Variants in SWT1 observed in about 807,000 individuals in gnomAD.
SWT1 encodes SWT1 RNA endoribonuclease homolog.
A neutral mutation model predicts 107.3 loss-of-function variants in SWT1; 33 were observed. The ratio of observed to expected loss-of-function variants is 0.31; its 90% CI spans 0.23 to 0.41. SWT1 has a LOEUF of 0.41. SWT1 is among the 10% of genes least tolerant of loss of function. SWT1 has a pLI of 1.00. For synonymous variants in SWT1, 345 were observed against 348.3 expected (o/e 0.99, Z 0.11); for missense variants, 898 against 1,028.9 (o/e 0.87, Z 1.74).
chr1:185,283,721 T>C (rs1664783600), intron 18 of SWT1, among the ~76,000 whole-genome samples: 2 of 152,238 alleles, frequency 1.3e-5, no homozygotes, highest in Non-Finnish European at 1.5e-5. Context: ...CCATCTCCGA[T>C]GTATACATGT....
At chr1:185,287,005 T>C (rs895841719) in intron 18 of SWT1, among the ~76,000 whole-genome samples, 4 of 152,208 alleles carry the variant, frequency 2.6e-5, no homozygotes, top group Non-Finnish European at 4.4e-5. Flanking sequence ...TTGTATTTCA[T>C]TTTTCTTTTA....
chr1:185,161,707 G>GA (rs959570412), intron 2 of SWT1, among the ~76,000 whole-genome samples: 2 of 151,944 alleles, frequency 1.3e-5, no homozygotes, highest in African/African-American at 4.8e-5. Flanking sequence ...TCTCAAAAAA[G>GA]AAAAAAAGAA....
At chr1:185,239,154 A>G (rs1276129808) in intron 16 of SWT1, among the ~76,000 whole-genome samples, 1 of 152,100 alleles carries the variant, frequency 6.6e-6, no homozygotes, top group Non-Finnish European at 1.5e-5. Context: ...TTGATAGACT[A>G]ACAGCTTTGG....
At chr1:185,233,893 G>A (rs1228786897) in intron 16 of SWT1, among the ~76,000 whole-genome samples, 6 of 151,966 alleles carry the variant, frequency 3.9e-5, no homozygotes, top group Non-Finnish European at 8.8e-5. Flanking sequence ...ACAGGCACCC[G>A]CCACCATGCC....
In SWT1 at chr1:185,174,414, C is replaced by T. The variant is rs770896298; in HGVS notation, c.267C>T (p.Ile89=). The T allele has an allele frequency of 2.1e-5, 33 of 1,584,084 alleles. No individual in the cohort carries two copies. The highest frequency in any genetic ancestry group is 1.7e-4 in the Middle Eastern group (1 of 5,904). The change falls in exon 5 of 19, where the codon ATC becomes ATT. Residue 89 remains isoleucine (I), a synonymous_variant. Transcript: ENST00000367500. ...ACACTCTCAGAAGGAGACCAAAAAT[C>T]GGTTCTTCATCCCAAAGACCTATTA... ...EIDTLRRRPK[I]GSSSQRPIKL...
At chr1:185,254,516 A>G (rs1241366151) in intron 16 of SWT1, among the ~76,000 whole-genome samples, 4 of 144,016 alleles carry the variant, frequency 2.8e-5, no homozygotes, top group Admixed American at 6.8e-5. Flanking sequence ...GGGAGAGTGT[A>G]TGTGTCGAGG....
At chr1:185,250,642 TATTTAATTTAA>T (rs961767620) in intron 16 of SWT1, among the ~76,000 whole-genome samples, 31 of 152,304 alleles carry the variant, frequency 2.0e-4, no homozygotes, top group African/African-American at 7.2e-4. Flanking sequence ...ACTCATAATT[TATTTAATTTAA>T]TTTTAATTTA....
chr1:185,283,633 C>T (rs530172427), intron 18 of SWT1, among the ~76,000 whole-genome samples: 4 of 152,100 alleles, frequency 2.6e-5, no homozygotes, highest in South Asian at 2.1e-4. Flanking sequence ...CTGTATGAGA[C>T]GGATACCAAA....
At chr1:185,161,810 A>G (rs1036187763) in intron 2 of SWT1, among the ~76,000 whole-genome samples, 5 of 152,204 alleles carry the variant, frequency 3.3e-5, no homozygotes, top group African/African-American at 1.2e-4. Context: ...CAAAAAAACC[A>G]TGTAATCAGT....
intron 5 of SWT1, among the ~76,000 whole-genome samples, 167 bp from the exon 6 acceptor site, chr1:185,180,224 A>G (rs1160904085): frequency 1.3e-5 from 2 of 152,124 alleles, no homozygotes; most frequent in Non-Finnish European, 2.9e-5. Flanking sequence ...GGGTAGTACT[A>G]CTGACATTCT....
At chr1:185,200,790 C>T (rs1657805289) in intron 10 of SWT1, among the ~76,000 whole-genome samples, 1 of 152,188 alleles carries the variant, frequency 6.6e-6, no homozygotes, top group African/African-American at 2.4e-5. Context: ...GCTGGGAGAT[C>T]CACTGCTCTC....
intron 18 of SWT1, among the ~76,000 whole-genome samples, chr1:185,288,089 CATTT>C (rs1315336744): frequency 6.6e-6 from 1 of 152,100 alleles, no homozygotes; most frequent in African/African-American, 2.4e-5. Flanking sequence ...TGTAAGAAAA[CATTT>C]ATATCTCTGC....
chr1:185,277,280 GT>G (rs995941515), intron 18 of SWT1, among the ~76,000 whole-genome samples: 12 of 150,978 alleles, frequency 7.9e-5, no homozygotes, highest in African/African-American at 2.2e-4. Flanking sequence ...TTATTTATTT[GT>G]TTTTTTTTAT....
chr1:185,256,520 T>C (rs1351203788), intron 16 of SWT1, among the ~76,000 whole-genome samples: 5 of 150,388 alleles, frequency 3.3e-5, no homozygotes, highest in African/African-American at 9.9e-5. Flanking sequence ...TCTCGCTTCA[T>C]TTCATTCATT....
At chr1:185,186,348 C>CT (rs1656463128) in intron 9 of SWT1, among the ~76,000 whole-genome samples, 1 of 152,040 alleles carries the variant, frequency 6.6e-6, no homozygotes, top group Non-Finnish European at 1.5e-5. Flanking sequence ...GAATTGGTAA[C>CT]TTTGTAGAAG....
chr1:185,219,448 T>G (rs1284471126), intron 14 of SWT1, among the ~76,000 whole-genome samples: 1 of 152,208 alleles, frequency 6.6e-6, no homozygotes, highest in Non-Finnish European at 1.5e-5. Context: ...CTGTTACTAC[T>G]GATAGTATTG....
chr1:185,289,678 TAAAA>T (rs202035890), intron 18 of SWT1, among the ~76,000 whole-genome samples: 2 of 152,014 alleles, frequency 1.3e-5, no homozygotes, highest in Non-Finnish European at 1.5e-5. Context: ...TATTCACTCT[TAAAA>T]AAAGAAGAAA....
At chr1:185,255,886 T>A (rs1476671634) in intron 16 of SWT1, among the ~76,000 whole-genome samples, 1 of 151,570 alleles carries the variant, frequency 6.6e-6, no homozygotes, top group African/African-American at 2.4e-5. Context: ...TGATGGTCTT[T>A]ACATTTTGGC....
At chr1:185,243,357 T>A (rs2102616156) in intron 16 of SWT1, among the ~76,000 whole-genome samples, 1 of 152,244 alleles carries the variant, frequency 6.6e-6, no homozygotes, top group Non-Finnish European at 1.5e-5. Context: ...CAATGCATCT[T>A]CTTCAGCTTC....
Sources: allele counts gnomAD v4.1 joint callset (sites outside exome capture counted in the v4.1 genomes callset), GRCh38; gene constraint gnomAD v4.1.1; transcripts MANE v1.5; gene names NCBI Gene and HGNC (gene_info 2026-07-23, HGNC 2026-07-21).